LRBA: variants seen among roughly 807,000 people sequenced by gnomAD.
LRBA encodes the protein LPS responsive beige-like anchor protein, also known as lipopolysaccharide-responsive and beige-like anchor protein.
Under a neutral mutation model 330.0 loss-of-function variants are expected in LRBA, and 176 were observed. The observed-to-expected ratio is 0.53, with a 90% confidence interval of 0.47 to 0.60. LRBA has a LOEUF of 0.60. LRBA is among the 20% of genes least tolerant of loss of function. LRBA has a pLI of 0.00. For synonymous variants in LRBA, 1,230 were observed against 1,193.0 expected (o/e 1.03, Z -0.64); for missense variants, 3,259 against 3,444.8 (o/e 0.95, Z 1.35).
rs555287978 is a variant in LRBA, at chr4:150,955,133, G to A, written c.217-26068C>T. Among the ~76,000 whole-genome samples the A allele has an allele frequency of 9.4e-5, 14 of 148,744 alleles. 1 individual carries two copies. The highest frequency in any genetic ancestry group is 4.4e-5 in the Non-Finnish European group (3 of 68,010). On this transcript the variant is annotated intron_variant, in intron 2 of 56. Coordinates refer to ENST00000651943, the MANE Select transcript of LRBA (RefSeq NM_001364905.1). ...CTACAAAAAACAGAAAAATGAGCCA[G>A]GTGTGGTGGCACATGCCTGTAGTCC...
At chr4:150,663,133 T>C (rs747620307) in intron 37 of LRBA, among the ~76,000 whole-genome samples, 3 of 152,238 alleles carry the variant, frequency 2.0e-5, no homozygotes, top group Non-Finnish European at 4.4e-5. Flanking sequence ...ATTGCTCACA[T>C]TCAGACCTTG....
intron 47 of LRBA, among the ~76,000 whole-genome samples, chr4:150,359,866 G>A (rs1561064912): frequency 1.3e-5 from 2 of 151,870 alleles, no homozygotes; most frequent in African/African-American, 4.8e-5. Context: ...TGTAATCCCA[G>A]CTACTCAGGA....
intron 56 of LRBA, among the ~76,000 whole-genome samples, chr4:150,267,503 C>CTT (rs1395971871): frequency 1.3e-5 from 2 of 152,026 alleles, no homozygotes; most frequent in African/African-American, 2.4e-5. Flanking sequence ...CAAGCCAAAA[C>CTT]TTATGAAATG....
chr4:150,436,626 T>C (rs768554194), intron 45 of LRBA, 98 bp downstream of exon 45: 17 of 943,130 alleles, frequency 1.8e-5, no homozygotes, highest in Admixed American at 2.8e-5. Flanking sequence ...CTGACTCTTT[T>C]AGTATTCAAA....
At chr4:150,342,332 T>C (rs1167396694) in intron 48 of LRBA, among the ~76,000 whole-genome samples, 1 of 151,854 alleles carries the variant, frequency 6.6e-6, no homozygotes, top group Admixed American at 6.6e-5. Flanking sequence ...CTAGAATAGA[T>C]TAAAAAAATG....
intron 35 of LRBA, among the ~76,000 whole-genome samples, chr4:150,740,100 C>T (rs974212847): frequency 6.6e-5 from 10 of 151,922 alleles, no homozygotes; most frequent in South Asian, 2.1e-4. Context: ...CTGAAAAAAA[C>T]GCACACATAA....
chr4:150,780,922 C>T (rs1738136321), intron 34 of LRBA, among the ~76,000 whole-genome samples: 1 of 151,976 alleles, frequency 6.6e-6, no homozygotes, highest in African/African-American at 2.4e-5. Context: ...CTCTGTCACC[C>T]AGGCTGGAGT....
chr4:150,389,904 T>A (rs1051429268), intron 47 of LRBA, among the ~76,000 whole-genome samples: 17 of 135,232 alleles, frequency 1.3e-4, no homozygotes, highest in African/African-American at 4.0e-4. Context: ...TCCATTTTTG[T>A]CTGGGTATTT....
At position 150,941,124 on chromosome 4, in the gene LRBA, C is replaced by G. The variant is rs76754052; in HGVS notation, c.217-12059G>C. Among the ~76,000 whole-genome samples, 835 of 152,024 alleles carry G rather than the reference C, an allele frequency of 5.5e-3. 6 individuals carry two copies. The highest frequency in any genetic ancestry group is 0.02 in the African/African-American group (813 of 41,450). ...GTTGAATTAGGTATTCTGCTACCTGCCCTAGGGATGTCTTCAGCATGGAAT... is the reference window on the plus strand; with the variant it reads ...GTTGAATTAGGTATTCTGCTACCTGGCCTAGGGATGTCTTCAGCATGGAAT... On this transcript the variant is annotated intron_variant, in intron 2 of 56. Transcript: ENST00000651943.
At chr4:150,696,743 T>C (rs1162106746) in intron 36 of LRBA, among the ~76,000 whole-genome samples, 11 of 151,754 alleles carry the variant, frequency 7.2e-5, no homozygotes, top group Non-Finnish European at 1.5e-4. Flanking sequence ...CAGTGGCTCA[T>C]GTCTGTAATC....
chr4:150,825,404 T>C (rs1746091804), intron 30 of LRBA, among the ~76,000 whole-genome samples: 1 of 152,154 alleles, frequency 6.6e-6, no homozygotes, highest in Non-Finnish European at 1.5e-5. Context: ...TTTGCTCTTG[T>C]TGCCCAGGCT....
chr4:151,014,432 T>G lies in LRBA; in HGVS notation c.211A>C (p.Asn71His), dbSNP rs1346748244. 1 of 1,613,248 alleles carries G rather than the reference T, an allele frequency of 6.2e-7. No homozygotes were observed. Among genetic ancestry groups the G allele is most frequent in the Non-Finnish European group, 8.5e-7 (1 of 1,179,206 alleles). Reference sequence around the variant, plus strand: ...TAAAATATTCATGGACTTACCAGGTTAAAGACAGTTTCTACAATATCCCTA... The same window carrying G: ...TAAAATATTCATGGACTTACCAGGTGAAAGACAGTTTCTACAATATCCCTA... ...SNRDIVETVFNLLVGGQFDLE... is the reference protein window; with the variant it reads ...SNRDIVETVFHLLVGGQFDLE... The change falls in exon 2 of 57, where the codon AAC (asparagine) becomes CAC (histidine). Residue 71 changes from asparagine (N) to histidine (H), a missense_variant. Coordinates refer to ENST00000651943, the MANE Select transcript of LRBA (RefSeq NM_001364905.1).
Position 150,963,004 on chromosome 4 carries a change from TAAA to T in LRBA, c.217-33942_217-33940del, listed in dbSNP as rs1738331251. On this transcript the variant is annotated intron_variant, in intron 2 of 56. Coordinates refer to ENST00000651943, the MANE Select transcript of LRBA (RefSeq NM_001364905.1). ...AGAAATAAAAATAAATAAAATAAAATAAAAAGCTTTTTATTAAAAAAAAAAACA... is the reference window on the plus strand; with the variant it reads ...AGAAATAAAAATAAATAAAATAAAATAAGCTTTTTATTAAAAAAAAAAACA... Among the ~76,000 whole-genome samples, 3 of 88,562 alleles carry T rather than the reference TAAA, an allele frequency of 3.4e-5. 1 individual carries two copies. The highest frequency in any genetic ancestry group is 1.0e-4 in the African/African-American group (3 of 30,114). 58.1% of individuals were successfully genotyped at this position (88,562 alleles called of 152,430 possible).
intron 46 of LRBA, among the ~76,000 whole-genome samples, chr4:150,426,785 C>A (rs1361343505): frequency 6.6e-6 from 1 of 151,762 alleles, no homozygotes; most frequent in African/African-American, 2.4e-5. Context: ...ATACTTCCTG[C>A]CAAATAACTA....
At chr4:150,674,404 A>G (rs1259172882) in intron 37 of LRBA, among the ~76,000 whole-genome samples, 1 of 152,038 alleles carries the variant, frequency 6.6e-6, no homozygotes, top group East Asian at 1.9e-4. Context: ...CTAAAAAAAA[A>G]AAAGCTTTAT....
At chr4:150,678,722 A>G (rs991047522) in intron 37 of LRBA, among the ~76,000 whole-genome samples, 1 of 152,230 alleles carries the variant, frequency 6.6e-6, no homozygotes, top group African/African-American at 2.4e-5. Flanking sequence ...GAATGGCTAT[A>G]AAGAATTTCT....
intron 34 of LRBA, among the ~76,000 whole-genome samples, chr4:150,763,405 T>C (rs1582274879): frequency 6.6e-6 from 1 of 152,042 alleles, no homozygotes; most frequent in Non-Finnish European, 1.5e-5. Flanking sequence ...CAATATATAC[T>C]CTCTAAAATT....
chr4:150,267,498 C>T (rs527982240), intron 56 of LRBA, among the ~76,000 whole-genome samples: 19 of 152,054 alleles, frequency 1.2e-4, no homozygotes, highest in African/African-American at 4.6e-4. Flanking sequence ...TACAACAAGC[C>T]AAAACTTATG....
chr4:150,577,408 TG>T (rs1770680333), intron 40 of LRBA, among the ~76,000 whole-genome samples: 1 of 133,350 alleles, frequency 7.5e-6, no homozygotes, highest in East Asian at 2.2e-4. Flanking sequence ...TAAAAATCAA[TG>T]TTCATTTTTT....
Sources: allele counts gnomAD v4.1 joint callset (sites outside exome capture counted in the v4.1 genomes callset), GRCh38; gene constraint gnomAD v4.1.1; transcripts MANE v1.5; gene names NCBI Gene and HGNC (gene_info 2026-07-23, HGNC 2026-07-21).